The following KIAA1328 variants were observed in gnomAD, a reference collection of about 807,000 sequenced individuals.
KIAA1328 encodes the protein KIAA1328.
Under a neutral mutation model 68.1 loss-of-function variants are expected in KIAA1328, and 52 were observed. The ratio of observed to expected loss-of-function variants is 0.76; its 90% confidence interval spans 0.61 to 0.96. The LOEUF is 0.96. Among genes scored for constraint, KIAA1328 ranks in the 40% least tolerant of loss-of-function variants. KIAA1328 has a pLI of 0.00. For synonymous variants in KIAA1328, 232 were observed against 239.4 expected (o/e 0.97, Z 0.28); for missense variants, 641 against 677.6 (o/e 0.95, Z 0.60).
At chr18:37,001,306 A>G (rs2053578085) in intron 6 of KIAA1328, among the ~76,000 whole-genome samples, 2 of 152,204 alleles carry the variant, frequency 1.3e-5, no homozygotes, top group East Asian at 1.9e-4. Flanking sequence ...CATACATCCT[A>G]CCAAGATTGA....
intron 1 of KIAA1328, chr18:36,829,478 C>A: frequency 8.1e-7 from 1 of 1,230,202 alleles, no homozygotes; most frequent in South Asian, 3.0e-5. Flanking sequence ...CAGGCTCAGT[C>A]CAGGGCTGAG....
At chr18:36,872,379 T>C (rs1215744815) in intron 4 of KIAA1328, among the ~76,000 whole-genome samples, 2 of 151,996 alleles carry the variant, frequency 1.3e-5, no homozygotes, top group African/African-American at 4.8e-5. Context: ...GTAAAAGTAG[T>C]AGATAAATAC....
intron 5 of KIAA1328, among the ~76,000 whole-genome samples, chr18:36,897,338 C>G (rs889788713): frequency 6.6e-6 from 1 of 152,010 alleles, no homozygotes; most frequent in South Asian, 2.1e-4. Context: ...AAAATCCAGG[C>G]ATCTAAAGAT....
intron 4 of KIAA1328, among the ~76,000 whole-genome samples, chr18:36,858,598 G>A (rs1448896977): frequency 6.6e-6 from 1 of 152,164 alleles, no homozygotes; most frequent in East Asian, 1.9e-4. Context: ...ATCCAATTCA[G>A]TATGCCACAT....
At chr18:36,956,934 A>G (rs975144044) in intron 5 of KIAA1328, among the ~76,000 whole-genome samples, 21 of 152,138 alleles carry the variant, frequency 1.4e-4, no homozygotes, top group African/African-American at 5.1e-4. Flanking sequence ...CTGAAAACCT[A>G]TTTAGACTAC....
chr18:37,222,065 T>A lies in KIAA1328; in HGVS notation c.1572T>A (p.Ser524=). Residue 524 remains serine, a synonymous_variant, in exon 10 of 10, where the codon TCT becomes TCA. Coordinates refer to ENST00000280020, the MANE Select transcript of KIAA1328 (RefSeq NM_020776.3). The stretch of plus-strand genomic sequence containing the variant: ...TGGTTCAGTCTCTGAGCCCAAACTC[T>A]GCGCCCAAACCTCAGCGCTATCCCT... The part of the protein sequence containing the change: ...LDLVQSLSPN[S]APKPQRYPSR... 1 of 1,613,750 alleles carries A rather than the reference T, an allele frequency of 6.2e-7. No individual in the cohort carries two copies. Among genetic ancestry groups the A allele is most frequent in the Non-Finnish European group, 8.5e-7 (1 of 1,179,770 alleles).
intron 6 of KIAA1328, among the ~76,000 whole-genome samples, chr18:37,010,948 G>A (rs111977895): frequency 4.7e-4 from 72 of 152,246 alleles, no homozygotes; most frequent in African/African-American, 1.7e-3. Context: ...TCTCAAGAAA[G>A]TGGTAAAATT....
intron 5 of KIAA1328, among the ~76,000 whole-genome samples, chr18:36,922,485 T>G (rs1353932351): frequency 6.6e-6 from 1 of 152,214 alleles, no homozygotes; most frequent in Non-Finnish European, 1.5e-5. Flanking sequence ...TTTTGAAGAA[T>G]CCATCATATT....
At chr18:37,215,436 G>T (rs578232205) in intron 9 of KIAA1328, among the ~76,000 whole-genome samples, 1 of 152,072 alleles carries the variant, frequency 6.6e-6, no homozygotes, top group African/African-American at 2.4e-5. Flanking sequence ...GTTCTGTTTT[G>T]TGATGGATTA....
downstream of KIAA1328, chr18:37,231,529 G>C (rs2060663860): frequency 1.3e-5 from 2 of 152,474 alleles, no homozygotes; most frequent in Non-Finnish European, 2.9e-5. Flanking sequence ...GGAGGATCCA[G>C]AAGGCCCAGG....
At chr18:37,204,026 A>G (rs1225895872) in intron 9 of KIAA1328, among the ~76,000 whole-genome samples, 3 of 152,062 alleles carry the variant, frequency 2.0e-5, no homozygotes, top group South Asian at 2.1e-4. Flanking sequence ...TAGCCAGGAT[A>G]GTCTCGATCT....
chr18:37,095,512 T>A (rs190438643), intron 7 of KIAA1328, among the ~76,000 whole-genome samples: 4 of 152,176 alleles, frequency 2.6e-5, no homozygotes. Flanking sequence ...AAGAAGGATA[T>A]AAATTCTTGA....
At chr18:36,917,095 G>A (rs1382300300) in intron 5 of KIAA1328, among the ~76,000 whole-genome samples, 2 of 152,134 alleles carry the variant, frequency 1.3e-5, no homozygotes, top group Non-Finnish European at 2.9e-5. Context: ...CCTCCTTCTA[G>A]AATGGTTGGA....
At chr18:36,936,886 A>G (rs2050519376) in intron 5 of KIAA1328, among the ~76,000 whole-genome samples, 1 of 152,104 alleles carries the variant, frequency 6.6e-6, no homozygotes, top group South Asian at 2.1e-4. Context: ...CAAAGAAGAC[A>G]CTGTATAGCC....
intron 7 of KIAA1328, among the ~76,000 whole-genome samples, chr18:37,100,490 C>T (rs2151866958): frequency 6.6e-6 from 1 of 152,330 alleles, no homozygotes; most frequent in South Asian, 2.1e-4. Context: ...CCCACCATTG[C>T]TGAGGGTTGA....
chr18:37,033,512 A>G (rs1336779233), intron 6 of KIAA1328, among the ~76,000 whole-genome samples: 1 of 152,206 alleles, frequency 6.6e-6, no homozygotes, highest in African/African-American at 2.4e-5. Flanking sequence ...TCTCAGTAAG[A>G]TCGAGTGTCC....
chr18:36,866,533 T>C (rs1807350437), intron 4 of KIAA1328, among the ~76,000 whole-genome samples: 1 of 152,180 alleles, frequency 6.6e-6, no homozygotes, highest in Non-Finnish European at 1.5e-5. Context: ...AGTAAAGACA[T>C]TAAGTGTATT....
intron 6 of KIAA1328, among the ~76,000 whole-genome samples, chr18:36,963,335 CAT>C (rs1426794919): frequency 6.6e-6 from 1 of 152,144 alleles, no homozygotes; most frequent in Non-Finnish European, 1.5e-5. Flanking sequence ...TCCTGCATGA[CAT>C]AGATGTGTGA....
chr18:36,842,065 T>C (rs2046877275), intron 3 of KIAA1328, among the ~76,000 whole-genome samples: 1 of 152,178 alleles, frequency 6.6e-6, no homozygotes, highest in African/African-American at 2.4e-5. Flanking sequence ...AATTATTGAA[T>C]AGTGCGAGAA....
Sources: gnomAD v4.1 joint callset for allele counts (sites outside exome capture counted in the v4.1 genomes callset) on GRCh38, gnomAD v4.1.1 for gene constraint, MANE v1.5 for transcripts, NCBI Gene and HGNC (gene_info 2026-07-23, HGNC 2026-07-21) for gene names.